RALGAPA2: variants seen among roughly 807,000 people sequenced by gnomAD.
The protein encoded by RALGAPA2 is Ral GTPase activating protein catalytic subunit alpha 2.
A neutral mutation model predicts 230.4 loss-of-function variants in RALGAPA2; 139 were observed. The observed-to-expected ratio is 0.60, with a 90% CI of 0.53 to 0.69. The LOEUF (loss-of-function observed/expected upper bound fraction) is 0.69, where lower values mean the gene tolerates loss of function less well. Ranked by LOEUF, RALGAPA2 falls within the 30% of genes least tolerant of loss-of-function variation. The pLI is 0.00. For synonymous variants in RALGAPA2, 847 were observed against 837.8 expected (o/e 1.01, Z -0.19); for missense variants, 2,163 against 2,276.0 (o/e 0.95, Z 1.01).
At chr20:20,659,812 G>A (rs1248880585) in intron 3 of RALGAPA2, 8 of 846,802 alleles carry the variant, frequency 9.4e-6, no homozygotes, top group Admixed American at 3.8e-5. Flanking sequence ...AACAGAACAA[G>A]ACAAGAATCA....
intron 23 of RALGAPA2, among the ~76,000 whole-genome samples, chr20:20,566,163 C>T (rs1024022666): frequency 6.6e-6 from 1 of 152,192 alleles, no homozygotes; most frequent in Non-Finnish European, 1.5e-5. Context: ...CCACATCTAC[C>T]TTCAAGTGCC....
chr20:20,511,785 T>C (rs942755352), intron 32 of RALGAPA2, among the ~76,000 whole-genome samples: 3 of 152,250 alleles, frequency 2.0e-5, no homozygotes, highest in African/African-American at 7.2e-5. Flanking sequence ...AGAGTTGTAT[T>C]AGGTCTATCT....
intron 24 of RALGAPA2, among the ~76,000 whole-genome samples, chr20:20,541,132 T>C (rs1165152777): frequency 6.6e-6 from 1 of 152,054 alleles, no homozygotes; most frequent in African/African-American, 2.4e-5. Context: ...CTTTTGTCTT[T>C]TTGGTGAAAG....
intron 1 of RALGAPA2, among the ~76,000 whole-genome samples, chr20:20,693,101 C>T (rs978728698): frequency 2.0e-5 from 3 of 152,058 alleles, no homozygotes; most frequent in African/African-American, 7.2e-5. Flanking sequence ...ATAAAGTAAA[C>T]CAGATGTAGA....
intron 23 of RALGAPA2, among the ~76,000 whole-genome samples, chr20:20,549,370 C>T (rs1381440101): frequency 6.6e-6 from 1 of 152,130 alleles, no homozygotes; most frequent in East Asian, 1.9e-4. Flanking sequence ...TGGACCTCAG[C>T]CAATCACTTC....
intron 4 of RALGAPA2, among the ~76,000 whole-genome samples, chr20:20,647,077 C>T (rs1474633886): frequency 2.6e-5 from 4 of 152,006 alleles, no homozygotes; most frequent in African/African-American, 7.2e-5. Flanking sequence ...TATTTCTTTG[C>T]TTCTCATTTT....
chr20:20,704,167 A>G (rs2069507097), intron 1 of RALGAPA2, among the ~76,000 whole-genome samples: 1 of 152,080 alleles, frequency 6.6e-6, no homozygotes, highest in Non-Finnish European at 1.5e-5. Flanking sequence ...TGTCCCCATC[A>G]TCTAGCACCC....
chr20:20,400,895 G>A (rs938575028), intron 38 of RALGAPA2, among the ~76,000 whole-genome samples: 2 of 152,196 alleles, frequency 1.3e-5, no homozygotes, highest in African/African-American at 4.8e-5. Flanking sequence ...GAGGCACCTT[G>A]AGAATATGCT....
intron 1 of RALGAPA2, among the ~76,000 whole-genome samples, chr20:20,685,032 T>C (rs2068650197): frequency 6.6e-6 from 1 of 151,512 alleles, no homozygotes; most frequent in South Asian, 2.1e-4. Flanking sequence ...TTTAGCAACC[T>C]GCGAAAAGAA....
chr20:20,633,210 C>T (rs560810896), intron 9 of RALGAPA2, among the ~76,000 whole-genome samples: 146 of 152,182 alleles, frequency 9.6e-4, no homozygotes, highest in Non-Finnish European at 1.7e-3. Flanking sequence ...TCTCTGCTCA[C>T]TCCAACCTCC....
intron 1 of RALGAPA2, among the ~76,000 whole-genome samples, chr20:20,703,277 T>G (rs1253344058): frequency 6.6e-6 from 1 of 152,114 alleles, no homozygotes; most frequent in Non-Finnish European, 1.5e-5. Flanking sequence ...TTTCTGAAAA[T>G]TAAGGCTAAA....
chr20:20,681,731 C>T (rs1568747324), intron 1 of RALGAPA2, among the ~76,000 whole-genome samples: 1 of 152,158 alleles, frequency 6.6e-6, no homozygotes, highest in Non-Finnish European at 1.5e-5. Context: ...TAGCTCACAC[C>T]TATAATCCCA....
chr20:20,607,081 C>G (rs951036740), intron 14 of RALGAPA2, among the ~76,000 whole-genome samples: 27 of 152,182 alleles, frequency 1.8e-4, no homozygotes, highest in African/African-American at 6.5e-4. Flanking sequence ...TGGCCCAACC[C>G]AGATGCAAAT....
rs1568646909 is a variant in RALGAPA2, at chr20:20,611,321, T to C, written c.1794A>G (p.Leu598=). 6.2e-7 allele frequency: 1 copy of C among 1,610,530 alleles called. No homozygotes were observed. The stretch of plus-strand genomic sequence containing the variant: ...TTTCATAAAAAAGACTTACCCTAAA[T>C]AGTAACCCTGCCAAGCTCTGGGCAA... ...DLFAQSLAGL[L]FRTLMVAWIR... The change falls in exon 14 of 40, where the codon CTA becomes CTG. Residue 598 remains leucine (L), a synonymous_variant. Transcript: ENST00000202677.
At chr20:20,623,993 C>T (rs2066405793) in intron 10 of RALGAPA2, among the ~76,000 whole-genome samples, 1 of 152,014 alleles carries the variant, frequency 6.6e-6, no homozygotes, top group African/African-American at 2.4e-5. Context: ...AAAAAAATGA[C>T]CCAAGATCAT....
rs761886932 is a variant in RALGAPA2, at chr20:20,629,610, C to T, written c.1006-20G>A. 1 of 1,609,740 alleles carries T rather than the reference C, an allele frequency of 6.2e-7. No individual in the cohort carries two copies. Among genetic ancestry groups the T allele is most frequent in the South Asian group, 1.1e-5 (1 of 90,962 alleles). ...AACAGTCTGGAAGAAAGTCAGCACA[C>T]TTCTCAATGATGCTCACCCCCACTC... On this transcript the variant is annotated intron_variant, in intron 9 of 39. Transcript: ENST00000202677.
Position 20,680,774 on chromosome 20 carries a change from T to C in RALGAPA2, c.134A>G (p.Gln45Arg). 2 of 1,586,030 alleles carry C rather than the reference T, an allele frequency of 1.3e-6. No homozygotes were observed. The highest frequency in any genetic ancestry group is 2.4e-5 in the South Asian group (2 of 84,102). Residue 45 changes from glutamine (Q) to arginine (R), a missense_variant, in exon 2 of 40, where the codon CAG becomes CGG. Gln to Arg is a conservative substitution (Grantham distance 43). Transcript: ENST00000202677. ...CTGAGAATAGTTGGTCTCAAAAAAC[T>C]GCTTAAGATCATTTGCATCCACATT... ...LDNVDANDLK[Q>R]FFETNYSQIY...
chr20:20,591,172 T>C lies in RALGAPA2; in HGVS notation c.2341+5A>G, dbSNP rs770838195. On this transcript the variant is annotated splice_donor_5th_base_variant and intron_variant, in intron 17 of 39. Transcript: ENST00000202677. ...TCTGTATTAAACACTGAAGACATCA[T>C]GTACCCTGAGAAGAATCTGAGCACA... is the stretch of plus-strand genomic sequence containing the variant. 2 of 1,613,140 alleles carry C rather than the reference T, an allele frequency of 1.2e-6. No homozygotes were observed. The highest frequency in any genetic ancestry group is 2.2e-5 in the East Asian group (1 of 44,874).
chr20:20,662,715 G>A (rs966739473), intron 3 of RALGAPA2, among the ~76,000 whole-genome samples: 9 of 152,142 alleles, frequency 5.9e-5, no homozygotes, highest in African/African-American at 2.2e-4. Context: ...TGAGGGATCA[G>A]AGATACATAA....
Sources: allele counts gnomAD v4.1 joint callset (sites outside exome capture counted in the v4.1 genomes callset), GRCh38; gene constraint gnomAD v4.1.1; transcripts MANE v1.5; gene names NCBI Gene and HGNC (gene_info 2026-07-23, HGNC 2026-07-21).